The following HAPSTR1 variants were observed in gnomAD, a reference collection of about 807,000 sequenced individuals.
HAPSTR1 encodes HUWE1-associated protein modifying stress responses 1.
At chr16:9,094,806 A>C in the HAPSTR1 span, among the ~76,000 whole-genome samples, 1 of 152,176 alleles carries the variant, frequency 6.6e-6, no homozygotes, top group Admixed American at 6.5e-5. Flanking sequence ...TAGTGTTTTT[A>C]TGTGCCAGGT....
the HAPSTR1 span, chr16:9,111,439 A>G: frequency 6.6e-6 from 1 of 152,232 alleles, no homozygotes. Context: ...TGTTCAAACC[A>G]GCCCCTGAAA....
the HAPSTR1 span, among the ~76,000 whole-genome samples, chr16:9,097,068 T>C: frequency 6.6e-6 from 1 of 151,770 alleles, no homozygotes; most frequent in Non-Finnish European, 1.5e-5. Flanking sequence ...GCCTCCCCAG[T>C]AGCTGGGATT....
the HAPSTR1 span, among the ~76,000 whole-genome samples, chr16:9,095,803 G>A: frequency 6.6e-6 from 1 of 152,186 alleles, no homozygotes; most frequent in Non-Finnish European, 1.5e-5. Flanking sequence ...ATAAAATGGA[G>A]TGGGTGGTTA....
the HAPSTR1 span, among the ~76,000 whole-genome samples, chr16:9,102,382 T>A: frequency 6.6e-6 from 1 of 152,186 alleles, no homozygotes; most frequent in African/African-American, 2.4e-5. Context: ...GAGAATTTAG[T>A]CTAGGAGATC....
the HAPSTR1 span, chr16:9,107,270 T>C: frequency 6.6e-6 from 1 of 152,274 alleles, no homozygotes; most frequent in African/African-American, 2.4e-5. Context: ...GATTCGGTGC[T>C]GTCTCTGGAA....
chr16:9,110,450 T>C, the HAPSTR1 span: 1 of 152,196 alleles, frequency 6.6e-6, no homozygotes. Context: ...AGTAAGATTT[T>C]CTTCCTCCTC....
At chr16:9,102,852 TTA>T in the HAPSTR1 span, 1 of 855,104 alleles carries the variant, frequency 1.2e-6, no homozygotes, top group East Asian at 2.5e-5. Flanking sequence ...TCATTTCAGT[TTA>T]TATTACTGAT....
the HAPSTR1 span, chr16:9,093,127 G>A: frequency 1.1e-6 from 1 of 951,414 alleles, no homozygotes; most frequent in Non-Finnish European, 1.6e-6. Flanking sequence ...CTTGCAACTT[G>A]AGAATCGCGG....
the HAPSTR1 span, among the ~76,000 whole-genome samples, chr16:9,114,068 G>A: frequency 4.6e-5 from 7 of 152,144 alleles, no homozygotes; most frequent in African/African-American, 1.7e-4. Context: ...AGGAAGAGAC[G>A]GTTGATTGTA....
At chr16:9,110,734 C>T in the HAPSTR1 span, 2 of 152,218 alleles carry the variant, frequency 1.3e-5, no homozygotes, top group African/African-American at 4.8e-5. Context: ...GGTTAAGTAT[C>T]TTAAAACTGA....
the HAPSTR1 span, chr16:9,110,082 A>ATC: frequency 1.3e-5 from 2 of 152,036 alleles, no homozygotes; most frequent in Non-Finnish European, 2.9e-5. Flanking sequence ...ACAGTGAAGT[A>ATC]TCTAAACCCA....
the HAPSTR1 span, among the ~76,000 whole-genome samples, chr16:9,097,190 T>G: frequency 2.0e-5 from 3 of 152,066 alleles, no homozygotes; most frequent in Non-Finnish European, 4.4e-5. Flanking sequence ...TCCGCCCGCC[T>G]TGGCCTCCCA....
At chr16:9,113,653 C>T in the HAPSTR1 span, among the ~76,000 whole-genome samples, 1 of 152,114 alleles carries the variant, frequency 6.6e-6, no homozygotes, top group East Asian at 1.9e-4. Context: ...TATTGCTGAA[C>T]GTGCCCATAT....
chr16:9,095,730 G>A, the HAPSTR1 span, among the ~76,000 whole-genome samples: 6,402 of 152,132 alleles, frequency 0.042, 448 homozygotes, highest in African/African-American at 0.15. Flanking sequence ...TGGTTGGAAT[G>A]TGGCTAGAAG....
chr16:9,102,233 A>G, the HAPSTR1 span, among the ~76,000 whole-genome samples: 11 of 152,394 alleles, frequency 7.2e-5, no homozygotes, highest in Non-Finnish European at 1.2e-4. Flanking sequence ...CATTAAAGAC[A>G]TACTGGTGAT....
the HAPSTR1 span, among the ~76,000 whole-genome samples, chr16:9,099,742 T>G: frequency 6.6e-6 from 1 of 152,264 alleles, no homozygotes; most frequent in South Asian, 2.1e-4. Context: ...CTGAGAGCCT[T>G]CAAGAGGCCG....
At chr16:9,118,398 C>G in the HAPSTR1 span, 1 of 152,602 alleles carries the variant, frequency 6.6e-6, no homozygotes, top group Non-Finnish European at 1.5e-5. Context: ...TTAATAATAT[C>G]TTTCTGTGAA....
At chr16:9,098,061 G>C in the HAPSTR1 span, among the ~76,000 whole-genome samples, 5 of 152,170 alleles carry the variant, frequency 3.3e-5, no homozygotes, top group Admixed American at 2.0e-4. Context: ...GCTGGGGCGG[G>C]GGCTCACGCC....
chr16:9,100,368 G>T, the HAPSTR1 span, among the ~76,000 whole-genome samples: 1 of 151,668 alleles, frequency 6.6e-6, no homozygotes, highest in Non-Finnish European at 1.5e-5. Flanking sequence ...TGGACTTCTT[G>T]TGTCTTCAAT....
Sources: gnomAD v4.1 joint callset for allele counts (sites outside exome capture counted in the v4.1 genomes callset) on GRCh38, gnomAD v4.1.1 for gene constraint, MANE v1.5 for transcripts, NCBI Gene and HGNC (gene_info 2026-07-23, HGNC 2026-07-21) for gene names.